The following PLPP3 variants were observed in gnomAD, a reference collection of about 807,000 sequenced individuals.
PLPP3 encodes phospholipid phosphatase 3.
PLPP3 carries 6 observed loss-of-function variants against 29.6 expected under a neutral mutation model. The observed-to-expected ratio is 0.20, with a 90% CI of 0.11 to 0.40. PLPP3 has a LOEUF of 0.40. Among genes scored for constraint, PLPP3 ranks in the 10% least tolerant of loss-of-function variants. PLPP3 has a pLI of 1.00. For missense variants in PLPP3, 308 were observed against 407.7 expected (o/e 0.76, Z 2.11); for synonymous variants, 152 against 159.7 (o/e 0.95, Z 0.36).
In PLPP3 at chr1:56,512,053, G is replaced by A; in HGVS notation, c.733C>T (p.Arg245Cys). Residue 245 changes from arginine to cysteine, a missense_variant, in exon 5 of 6, where the codon CGC (arginine) becomes TGC (cysteine). Around this residue, in one of 3 missense-constraint regions of PLPP3, gnomAD observed 232 missense variants for 317.2 expected, o/e 0.73. Transcript: ENST00000371250. ...IMMAFYTGLSRVSDHKHHPSD... is the reference protein window; with the variant it reads ...IMMAFYTGLSCVSDHKHHPSD... ...GGATGGTGCTTGTGGTCTGATACGCGAGACAGTCCCGTGTAGAAGGCCATC... is the reference window on the plus strand; with the variant it reads ...GGATGGTGCTTGTGGTCTGATACGCAAGACAGTCCCGTGTAGAAGGCCATC... 6 of 1,613,706 alleles carry A rather than the reference G, an allele frequency of 3.7e-6. No individual in the cohort carries two copies. The highest frequency in any genetic ancestry group is 5.1e-6 in the Non-Finnish European group (6 of 1,179,836).
chr1:56,511,063 T>C (rs1645738086), intron 5 of PLPP3, among the ~76,000 whole-genome samples: 1 of 152,164 alleles, frequency 6.6e-6, no homozygotes, highest in Non-Finnish European at 1.5e-5. Flanking sequence ...ACAACCTACA[T>C]GTGTGGTGCT....
At chr1:56,539,930 A>C (rs553104388) in intron 1 of PLPP3, among the ~76,000 whole-genome samples, 11 of 152,180 alleles carry the variant, frequency 7.2e-5, no homozygotes, top group Non-Finnish European at 1.2e-4. Flanking sequence ...GTTGCTAATA[A>C]ACTCAGGAAG....
At chr1:56,508,837 T>C (rs1645721268) in intron 5 of PLPP3, among the ~76,000 whole-genome samples, 1 of 151,660 alleles carries the variant, frequency 6.6e-6, no homozygotes, top group Non-Finnish European at 1.5e-5. Context: ...CCACACCTCC[T>C]CACAGATCTA....
chr1:56,571,494 T>C (rs1227813992), intron 1 of PLPP3, among the ~76,000 whole-genome samples: 1 of 152,242 alleles, frequency 6.6e-6, no homozygotes, highest in Non-Finnish European at 1.5e-5. Context: ...AAAGGCCTAT[T>C]TTTCTAACTG....
At chr1:56,498,115 A>G (rs888000993) in intron 5 of PLPP3, among the ~76,000 whole-genome samples, 2 of 152,132 alleles carry the variant, frequency 1.3e-5, no homozygotes, top group African/African-American at 4.8e-5. Context: ...GAAGTGTAAC[A>G]TCTTAATACA....
At chr1:56,557,868 C>T (rs17114100) in intron 1 of PLPP3, among the ~76,000 whole-genome samples, 4,075 of 152,232 alleles carry the variant, frequency 0.027, 104 homozygotes, top group East Asian at 0.13. Flanking sequence ...GTCCCCGGGG[C>T]GCTTTTCCAA....
intron 1 of PLPP3, among the ~76,000 whole-genome samples, chr1:56,565,711 G>A (rs1646157167): frequency 6.6e-6 from 1 of 152,154 alleles, no homozygotes; most frequent in African/African-American, 2.4e-5. Context: ...GTGAGCCACT[G>A]CGCCTGGCCT....
chr1:56,545,354 T>C (rs1304923162), intron 1 of PLPP3, among the ~76,000 whole-genome samples: 1 of 152,240 alleles, frequency 6.6e-6, no homozygotes, highest in Non-Finnish European at 1.5e-5. Flanking sequence ...AAGTTATTTC[T>C]TGCTCTTATA....
chr1:56,543,015 CA>C (rs397737077), intron 1 of PLPP3, among the ~76,000 whole-genome samples: 363 of 133,338 alleles, frequency 2.7e-3, no homozygotes, highest in Non-Finnish European at 2.5e-3. Context: ...GATCTTGTTT[CA>C]AAAAAAAAAA....
Position 56,524,182 on chromosome 1 carries a change from C to T in PLPP3, c.575+95G>A. 2 of 1,435,044 alleles carry T rather than the reference C, an allele frequency of 1.4e-6. No homozygotes were observed. The highest frequency in any genetic ancestry group is 1.9e-6 in the Non-Finnish European group (2 of 1,046,676). The allele number at this position is 1,435,044 out of a possible 1,614,324, so 88.9% of individuals were successfully genotyped here. A position where few individuals can be genotyped will look rare whatever the true frequency, so the allele number is the denominator to read the frequency against. ...TCAAGAATAGGAACTATGCCTTATT[C>T]ACCCATCTAAACCAGGGCCCAGCTA... On this transcript the variant is annotated intron_variant, in intron 3 of 5. Transcript: ENST00000371250. The surrounding 1 kb of genome is among the most constrained non-coding windows in gnomAD (Gnocchi z 4.3).
intron 4 of PLPP3, among the ~76,000 whole-genome samples, chr1:56,517,253 TA>T (rs1488225878): frequency 1.3e-5 from 2 of 152,220 alleles, no homozygotes; most frequent in Non-Finnish European, 2.9e-5. Context: ...CTCCCTTCTC[TA>T]ATTTCCTCTA....
chr1:56,511,078 T>G (rs2100231733), intron 5 of PLPP3, among the ~76,000 whole-genome samples: 1 of 152,336 alleles, frequency 6.6e-6, no homozygotes, highest in South Asian at 2.1e-4. Flanking sequence ...GGTGCTTAAA[T>G]ATCCAGCCAT....
intron 5 of PLPP3, 55 bp downstream of exon 5, chr1:56,511,921 T>C (rs1322690968): frequency 4.4e-6 from 7 of 1,597,958 alleles, no homozygotes; most frequent in Non-Finnish European, 6.0e-6. Context: ...TGGAAACATT[T>C]AACAAGCAAC....
chr1:56,578,833 G>C, intron 1 of PLPP3, 45 bp downstream of exon 1: 1 of 1,490,970 alleles, frequency 6.7e-7, no homozygotes, highest in Non-Finnish European at 8.9e-7. Context: ...CGCGCGCCGA[G>C]GGACGAGGGG....
At position 56,524,144 on chromosome 1, in the gene PLPP3, G is replaced by C; in HGVS notation, c.575+133C>G. 9.1e-7 allele frequency: 1 copy of C among 1,102,334 alleles called. No homozygotes were observed. The highest frequency in any genetic ancestry group is 1.3e-6 in the Non-Finnish European group (1 of 762,422). 68.3% of individuals were successfully genotyped at this position (1,102,334 alleles called of 1,614,324 possible). On this transcript the variant is annotated intron_variant, in intron 3 of 5. Coordinates refer to ENST00000371250, the MANE Select transcript of PLPP3 (RefSeq NM_003713.5). The surrounding 1 kb of genome is among the most constrained non-coding windows in gnomAD (Gnocchi z 4.3). Reference sequence around the variant, plus strand: ...ATTTACATATCTGTCTCAATCATCTGACTGTGAGTTCCTCAAGAATAGGAA... The same window carrying C: ...ATTTACATATCTGTCTCAATCATCTCACTGTGAGTTCCTCAAGAATAGGAA...
At chr1:56,520,677 G>A (rs865781557) in intron 4 of PLPP3, among the ~76,000 whole-genome samples, 28 of 141,204 alleles carry the variant, frequency 2.0e-4, no homozygotes, top group Admixed American at 4.3e-4. Flanking sequence ...TTGGGAGGCT[G>A]AGGTGGGTGG....
At chr1:56,540,670 G>A (rs1057192705) in intron 1 of PLPP3, among the ~76,000 whole-genome samples, 4 of 150,076 alleles carry the variant, frequency 2.7e-5, no homozygotes, top group African/African-American at 9.7e-5. Flanking sequence ...TACAAAACCC[G>A]ATGGCTTTTT....
At chr1:56,522,173 T>A (rs745750223) in intron 4 of PLPP3, among the ~76,000 whole-genome samples, 22 of 152,146 alleles carry the variant, frequency 1.4e-4, no homozygotes, top group Non-Finnish European at 2.8e-4. Flanking sequence ...GATAGGATAA[T>A]CAAAATGCAC....
chr1:56,537,186 G>C (rs1645933776), intron 1 of PLPP3, 74 bp from the exon 2 acceptor site: 5 of 1,477,308 alleles, frequency 3.4e-6, no homozygotes, highest in Non-Finnish European at 4.6e-6. Flanking sequence ...CAGTGCCAAA[G>C]AGGAACTTCA....
Sources: allele counts gnomAD v4.1 joint callset (sites outside exome capture counted in the v4.1 genomes callset), GRCh38; gene constraint gnomAD v4.1.1; regional missense constraint gnomAD v4.1.1; non-coding constraint Gnocchi (gnomAD v3.1); transcripts MANE v1.5; gene names NCBI Gene and HGNC (gene_info 2026-07-23, HGNC 2026-07-21).